GPR39: variants seen among roughly 807,000 people sequenced by gnomAD.
GPR39 encodes the protein zinc sensing receptor.
GPR39 carries 23 observed loss-of-function variants against 18.4 expected under a neutral mutation model. The observed-to-expected ratio is 1.25, with a 90% CI of 0.90 to 1.77. The LOEUF (loss-of-function observed/expected upper bound fraction) is 1.77. Among genes scored for constraint, GPR39 ranks in the 40% most tolerant of loss-of-function variants. The pLI, the probability that GPR39 is intolerant of heterozygous loss-of-function variation, is 0.00. For missense variants in GPR39, 647 were observed against 602.4 expected (o/e 1.07, Z -0.78); for synonymous variants, 280 against 257.9 (o/e 1.09, Z -0.82).
intron 1 of GPR39, among the ~76,000 whole-genome samples, chr2:132,512,965 G>T (rs1679267310): frequency 6.6e-6 from 1 of 152,148 alleles, no homozygotes. Flanking sequence ...TATCTTTCAT[G>T]ATTCTGCGGG....
At chr2:132,505,779 A>G (rs1398227385) in intron 1 of GPR39, among the ~76,000 whole-genome samples, 2 of 152,226 alleles carry the variant, frequency 1.3e-5, no homozygotes, top group African/African-American at 4.8e-5. Flanking sequence ...TATATGTCAC[A>G]TTTTTAAAAA....
At chr2:132,506,879 T>A (rs890315524) in intron 1 of GPR39, among the ~76,000 whole-genome samples, 1 of 152,138 alleles carries the variant, frequency 6.6e-6, no homozygotes, top group Non-Finnish European at 1.5e-5. Flanking sequence ...TATTTTTTTT[T>A]TTCTAGCAGG....
At chr2:132,611,232 C>T (rs527549946) in intron 1 of GPR39, among the ~76,000 whole-genome samples, 5 of 152,254 alleles carry the variant, frequency 3.3e-5, no homozygotes, top group African/African-American at 4.8e-5. Context: ...CACTGTCTGA[C>T]GTTTCTTTGC....
intron 1 of GPR39, among the ~76,000 whole-genome samples, chr2:132,535,791 T>A (rs1679746388): frequency 6.6e-6 from 1 of 151,506 alleles, no homozygotes; most frequent in African/African-American, 2.4e-5. Context: ...GGTTTAGTCT[T>A]GGGAGGATTT....
At chr2:132,625,650 T>G (rs1380967710) in intron 1 of GPR39, among the ~76,000 whole-genome samples, 1 of 152,206 alleles carries the variant, frequency 6.6e-6, no homozygotes, top group Non-Finnish European at 1.5e-5. Context: ...TTCCTACATC[T>G]TTTTGAAGAT....
intron 1 of GPR39, among the ~76,000 whole-genome samples, chr2:132,615,843 A>G (rs1262460348): frequency 6.6e-6 from 1 of 152,014 alleles, no homozygotes; most frequent in Non-Finnish European, 1.5e-5. Context: ...CTTTACTCTC[A>G]GGTGTTGATC....
At chr2:132,476,373 C>T (rs535522593) in intron 1 of GPR39, among the ~76,000 whole-genome samples, 133 of 152,134 alleles carry the variant, frequency 8.7e-4, no homozygotes, top group African/African-American at 3.1e-3. Flanking sequence ...CGGTGGCTCA[C>T]GCCTGTAATC....
chr2:132,584,450 G>T (rs1045044671), intron 1 of GPR39, among the ~76,000 whole-genome samples: 3 of 152,062 alleles, frequency 2.0e-5, no homozygotes, highest in African/African-American at 7.2e-5. Context: ...GCCAGAAATG[G>T]TACAGTCACT....
rs1402321723 is a variant in GPR39 at position 132,416,863 on chromosome 2, G to A, written c.-180G>A. On this transcript the variant is annotated 5_prime_UTR_variant, in exon 1 of 2. Transcript: ENST00000329321. ...TCCTGGGCCTCTCCTAGGTTGGGCTGCTCCAGCAAGTTTCCATGAAAGCAC... is the reference window on the plus strand; with the variant it reads ...TCCTGGGCCTCTCCTAGGTTGGGCTACTCCAGCAAGTTTCCATGAAAGCAC... The A allele has an allele frequency of 6.1e-6, 5 of 814,814 alleles. No homozygotes were observed. In the East Asian group the frequency reaches 1.3e-4, roughly 22 times the overall value. The allele number at this position is 814,814 out of a possible 1,614,324, so 50.5% of individuals were successfully genotyped here. A position where few individuals can be genotyped will look rare whatever the true frequency, so the allele number is the denominator to read the frequency against.
intron 1 of GPR39, among the ~76,000 whole-genome samples, chr2:132,506,595 G>A (rs1355372503): frequency 6.6e-6 from 1 of 152,148 alleles, no homozygotes; most frequent in Non-Finnish European, 1.5e-5. Flanking sequence ...ATGGCAGAAG[G>A]CACCTCTTCA....
chr2:132,612,347 T>C (rs1188379278), intron 1 of GPR39, among the ~76,000 whole-genome samples: 5 of 151,886 alleles, frequency 3.3e-5, no homozygotes, highest in Admixed American at 2.6e-4. Context: ...TTTTGTGACA[T>C]GAAAGGTGCA....
intron 1 of GPR39, among the ~76,000 whole-genome samples, chr2:132,518,931 G>T (rs1679377960): frequency 6.6e-6 from 1 of 152,062 alleles, no homozygotes; most frequent in African/African-American, 2.4e-5. Context: ...AGCCACAAGG[G>T]GCTGGTGGCT....
intron 1 of GPR39, among the ~76,000 whole-genome samples, chr2:132,490,530 T>C (rs1049285639): frequency 6.6e-6 from 1 of 151,946 alleles, no homozygotes; most frequent in African/African-American, 2.4e-5. Context: ...CTCTTTGACC[T>C]TGTGGAGTTA....
chr2:132,518,636 G>A (rs1221442848), intron 1 of GPR39, among the ~76,000 whole-genome samples: 2 of 151,982 alleles, frequency 1.3e-5, no homozygotes, highest in African/African-American at 4.8e-5. Context: ...GAATTTTCTG[G>A]TCTAAACTGC....
intron 1 of GPR39, among the ~76,000 whole-genome samples, chr2:132,539,766 T>C (rs2104784275): frequency 6.6e-6 from 1 of 152,244 alleles, no homozygotes; most frequent in South Asian, 2.1e-4. Flanking sequence ...CACAAGGCTT[T>C]CCCAGATAAG....
intron 1 of GPR39, among the ~76,000 whole-genome samples, chr2:132,633,368 G>GTGTGTT (rs1336607754): frequency 3.3e-5 from 5 of 151,654 alleles, no homozygotes; most frequent in Admixed American, 2.6e-4. Context: ...GTGTGTGTGT[G>GTGTGTT]TGTGTGTGTG....
intron 1 of GPR39, among the ~76,000 whole-genome samples, chr2:132,483,298 G>A (rs1681269095): frequency 6.6e-6 from 1 of 152,194 alleles, no homozygotes; most frequent in Admixed American, 6.5e-5. Flanking sequence ...GGGACAGTTG[G>A]AACAGCCAAG....
At chr2:132,603,151 A>G (rs1262024068) in intron 1 of GPR39, among the ~76,000 whole-genome samples, 2 of 152,168 alleles carry the variant, frequency 1.3e-5, no homozygotes, top group Admixed American at 1.3e-4. Context: ...TTATAAAAAG[A>G]TGAATGGATA....
At position 132,617,401 on chromosome 2, in the gene GPR39, G is replaced by A. The variant is rs540036323; in HGVS notation, c.857-27700G>A. 8.5e-5 allele frequency among the ~76,000 whole-genome samples: 13 copies of A among 152,128 alleles called. No individual in the cohort carries two copies. In the South Asian group the frequency reaches 2.7e-3, roughly 32 times the overall value. ...ATGCCTTTCCTTTGCTTCTCTACTT[G>A]AACCTCATTAATATTGTACCAATCT... On this transcript the variant is annotated intron_variant, in intron 1 of 1. Coordinates refer to ENST00000329321, the MANE Select transcript of GPR39 (RefSeq NM_001508.3).
Sources: gnomAD v4.1 joint callset for allele counts (sites outside exome capture counted in the v4.1 genomes callset) on GRCh38, gnomAD v4.1.1 for gene constraint, MANE v1.5 for transcripts, NCBI Gene and HGNC (gene_info 2026-07-23, HGNC 2026-07-21) for gene names.